Variants in CA12 observed in about 807,000 individuals in gnomAD.
CA12 encodes carbonate dehydratase XII.
A neutral mutation model predicts 46.8 loss-of-function variants in CA12; 36 were observed. That is an observed-to-expected ratio of 0.77 (90% CI 0.59 to 1.02). The LOEUF (loss-of-function observed/expected upper bound fraction) is 1.02, where lower values mean the gene tolerates loss of function less well. CA12 is among the 50% of genes least tolerant of loss of function. The probability of loss-of-function intolerance (pLI) is 0.00; values close to 1 mark genes in which losing one functional copy is unlikely to be tolerated. For synonymous variants in CA12, 202 were observed against 187.0 expected (o/e 1.08, Z -0.65); for missense variants, 436 against 451.4 (o/e 0.97, Z 0.31).
At chr15:63,352,726 G>T (rs1017244773) in intron 2 of CA12, among the ~76,000 whole-genome samples, 4 of 152,164 alleles carry the variant, frequency 2.6e-5, no homozygotes, top group African/African-American at 9.7e-5. Flanking sequence ...TCTAGATGAT[G>T]ACACGCCCTT....
chr15:63,342,169 T>C, intron 4 of CA12, 72 bp from the exon 5 acceptor site: 1 of 949,844 alleles, frequency 1.1e-6, no homozygotes, highest in Non-Finnish European at 1.7e-6. Context: ...GCAGAAGACT[T>C]GACTCCAACT....
intron 2 of CA12, among the ~76,000 whole-genome samples, chr15:63,362,370 G>A (rs369597843): frequency 1.3e-5 from 2 of 152,224 alleles, no homozygotes; most frequent in African/African-American, 4.8e-5. Flanking sequence ...CCAGTGAGTA[G>A]CAAGCCTGAG....
At chr15:63,349,295 G>C (rs1361083240) in intron 2 of CA12, among the ~76,000 whole-genome samples, 1 of 152,208 alleles carries the variant, frequency 6.6e-6, no homozygotes, top group Non-Finnish European at 1.5e-5. Context: ...GAATGAGTCA[G>C]AAAGGTTGCT....
intron 2 of CA12, among the ~76,000 whole-genome samples, chr15:63,352,563 C>G (rs2039246828): frequency 6.6e-6 from 1 of 152,272 alleles, no homozygotes; most frequent in Admixed American, 6.5e-5. Context: ...GGTGGACCCC[C>G]CTGTGTCTGT....
chr15:63,375,205 A>G (rs1420416722), intron 2 of CA12, among the ~76,000 whole-genome samples: 1 of 152,234 alleles, frequency 6.6e-6, no homozygotes, highest in Non-Finnish European at 1.5e-5. Context: ...CACGGCAACA[A>G]GAAGTTAATT....
In CA12 at chr15:63,341,221, TGG is replaced by T. The variant is rs1020442544; in HGVS notation, c.526-440_526-439del. On this transcript the variant is annotated intron_variant, in intron 5 of 10. Transcript: ENST00000178638. The surrounding 1 kb of genome is among the most constrained non-coding windows in gnomAD (Gnocchi z 5.2). ...CCAATCAGAAGACATTCCTCTATCT[TGG>T]GATAAAAAAAGAATTCATTCCAGGG... is the stretch of plus-strand genomic sequence containing the variant. Among the ~76,000 whole-genome samples, 2 of 152,038 alleles carry T rather than the reference TGG, an allele frequency of 1.3e-5. No individual in the cohort carries two copies. Among genetic ancestry groups the T allele is most frequent in the Non-Finnish European group, 2.9e-5 (2 of 68,008 alleles).
intron 2 of CA12, among the ~76,000 whole-genome samples, chr15:63,371,461 C>T (rs924025526): frequency 6.6e-6 from 1 of 152,190 alleles, no homozygotes; most frequent in Non-Finnish European, 1.5e-5. Flanking sequence ...TAAGCATGTG[C>T]GGCCACAGCC....
intron 8 of CA12, among the ~76,000 whole-genome samples, chr15:63,336,593 C>G (rs371016973): frequency 6.9e-6 from 1 of 145,278 alleles, no homozygotes; most frequent in Admixed American, 7.0e-5. Context: ...CTCTGTCACC[C>G]AGGCTGGAGT....
Position 63,326,282 on chromosome 15 carries a change from A to ACCTCAAGCGTGGG in CA12, c.1055_*2dup. The ACCTCAAGCGTGGG allele has an allele frequency of 6.2e-7, 1 of 1,613,284 alleles. No homozygotes were observed. The highest frequency in any genetic ancestry group is 1.1e-5 in the South Asian group (1 of 91,028). On this transcript the variant is annotated 3_prime_UTR_variant, in exon 11 of 11. Transcript: ENST00000178638. ...CTGGATGTGCCCGGGAGCTCCGGGG[A>ACCTCAAGCGTGGG]CCTCAAGCGTGGGCCTCAGTCTCCA...
intron 2 of CA12, among the ~76,000 whole-genome samples, chr15:63,371,684 T>G (rs2152626654): frequency 6.6e-6 from 1 of 152,320 alleles, no homozygotes; most frequent in East Asian, 1.9e-4. Flanking sequence ...CATCTATTTC[T>G]CAACCAGCTC....
intron 1 of CA12, among the ~76,000 whole-genome samples, chr15:63,377,133 T>A (rs2039587895): frequency 6.6e-6 from 1 of 152,196 alleles, no homozygotes; most frequent in Admixed American, 6.5e-5. Context: ...AGTGCAGAGC[T>A]GTGCTCTTGT....
At position 63,373,049 on chromosome 15, in the gene CA12, G is replaced by A. The variant is rs113454228; in HGVS notation, c.106+2609C>T. On this transcript the variant is annotated intron_variant, in intron 2 of 10. Coordinates refer to ENST00000178638, the MANE Select transcript of CA12 (RefSeq NM_001218.5). The surrounding 1 kb of genome is among the most constrained non-coding windows in gnomAD (Gnocchi z 4.9). ...GAAGCCCGCCCTTGGCGAACACCAC[G>A]TCATGATGAAGAGGCAGTTAAGATT... 1.8e-3 allele frequency among the ~76,000 whole-genome samples: 277 copies of A among 152,252 alleles called. 1 individual carries two copies. Among genetic ancestry groups the A allele is most frequent in the African/African-American group, 6.3e-3 (261 of 41,550 alleles).
intron 2 of CA12, among the ~76,000 whole-genome samples, chr15:63,349,026 G>A (rs1029335554): frequency 6.6e-6 from 1 of 152,194 alleles, no homozygotes; most frequent in African/African-American, 2.4e-5. Context: ...AACCTGTCTT[G>A]GAAAGAGAAG....
chr15:63,344,545 C>A lies in CA12; in HGVS notation c.429+932G>T, dbSNP rs1374266507. On this transcript the variant is annotated intron_variant, in intron 4 of 10. Coordinates refer to ENST00000178638, the MANE Select transcript of CA12 (RefSeq NM_001218.5). ...GAAGGGCCGCTCTGAAATATGTGAA[C>A]CTCCAGTGGTACCATCCTATTGAAC... Among the ~76,000 whole-genome samples, 3 of 152,210 alleles carry A rather than the reference C, an allele frequency of 2.0e-5. No homozygotes were observed. In the East Asian group the frequency reaches 5.8e-4, roughly 29 times the overall value.
At chr15:63,376,061 G>C (rs2039567182) in intron 1 of CA12, among the ~76,000 whole-genome samples, 1 of 152,102 alleles carries the variant, frequency 6.6e-6, no homozygotes, top group Non-Finnish European at 1.5e-5. Flanking sequence ...CGCCTGCCTT[G>C]GTCTCCCAAA....
In CA12 at chr15:63,374,115, C is replaced by T. The variant is rs889632324; in HGVS notation, c.106+1543G>A. On this transcript the variant is annotated intron_variant, in intron 2 of 10. Transcript: ENST00000178638. The surrounding 1 kb of genome is among the most constrained non-coding windows in gnomAD (Gnocchi z 4.4). Reference sequence around the variant, plus strand: ...AAACACAGACTTACTCCCTGCCCTGCCCCTCCAGGAGCAGGACAAAGTGGG... The same window carrying T: ...AAACACAGACTTACTCCCTGCCCTGTCCCTCCAGGAGCAGGACAAAGTGGG... Among the ~76,000 whole-genome samples, 5 of 152,144 alleles carry T rather than the reference C, an allele frequency of 3.3e-5. No individual in the cohort carries two copies. The highest frequency in any genetic ancestry group is 4.8e-5 in the African/African-American group (2 of 41,416).
chr15:63,380,061 T>C (rs1394222851), intron 1 of CA12, among the ~76,000 whole-genome samples: 1 of 152,238 alleles, frequency 6.6e-6, no homozygotes, highest in African/African-American at 2.4e-5. Flanking sequence ...GCTGACATTC[T>C]ACACCTCAGT....
chr15:63,370,680 G>A (rs2039491909), intron 2 of CA12, among the ~76,000 whole-genome samples: 1 of 151,816 alleles, frequency 6.6e-6, no homozygotes, highest in Non-Finnish European at 1.5e-5. Context: ...GTCTGAGGCA[G>A]GAGAATCGCT....
intron 1 of CA12, among the ~76,000 whole-genome samples, chr15:63,376,557 C>CCTTTCTTT (rs66768055): frequency 0.066 from 6,878 of 104,496 alleles, 315 homozygotes; most frequent in Middle Eastern, 0.083. Flanking sequence ...CTCTTTCTTT[C>CCTTTCTTT]CTTTCTTTCT....
Sources: allele counts gnomAD v4.1 joint callset (sites outside exome capture counted in the v4.1 genomes callset), GRCh38; gene constraint gnomAD v4.1.1; non-coding constraint Gnocchi (gnomAD v3.1); transcripts MANE v1.5; gene names NCBI Gene and HGNC (gene_info 2026-07-23, HGNC 2026-07-21).